The following PPP2R2C variants were observed in gnomAD, a reference collection of about 807,000 sequenced individuals.
The protein encoded by PPP2R2C is protein phosphatase 2, regulatory subunit B, gamma.
Under a neutral mutation model 45.3 loss-of-function variants are expected in PPP2R2C, and 10 were observed. The observed-to-expected ratio is 0.22, with a 90% CI of 0.14 to 0.37. The LOEUF (loss-of-function observed/expected upper bound fraction) is 0.37. Ranked by LOEUF, PPP2R2C falls within the 10% of genes least tolerant of loss-of-function variation. The pLI is 1.00. For missense variants in PPP2R2C, 308 were observed against 619.7 expected (o/e 0.50, Z 5.34); for synonymous variants, 257 against 245.4 (o/e 1.05, Z -0.44).
At chr4:6,554,426 C>A (rs1242609927) in intron 1 of PPP2R2C, among the ~76,000 whole-genome samples, 3 of 152,210 alleles carry the variant, frequency 2.0e-5, no homozygotes, top group Non-Finnish European at 4.4e-5. Flanking sequence ...TCGTCCCAGA[C>A]TGCTGGCTGC....
intron 1 of PPP2R2C, among the ~76,000 whole-genome samples, chr4:6,438,238 G>A (rs1344167583): frequency 1.3e-5 from 2 of 152,222 alleles, no homozygotes; most frequent in Non-Finnish European, 2.9e-5. Context: ...GTACATAGGG[G>A]AATGATGTCA....
chr4:6,467,862 CT>C (rs1330953646), intron 1 of PPP2R2C, among the ~76,000 whole-genome samples: 2 of 152,214 alleles, frequency 1.3e-5, no homozygotes, highest in Non-Finnish European at 2.9e-5. Context: ...ACTTGCTCCC[CT>C]CATGGTGTCA....
At chr4:6,461,516 G>C (rs965439502) in intron 1 of PPP2R2C, among the ~76,000 whole-genome samples, 1 of 152,158 alleles carries the variant, frequency 6.6e-6, no homozygotes, top group Non-Finnish European at 1.5e-5. Context: ...TTTAAGGAGG[G>C]AGTGCACCTT....
rs1312223549 is a variant in PPP2R2C, at chr4:6,518,925, A to T, written c.49+16346T>A. ...GCAACAGAGCAAGACTCTGTCTTAA[A>T]AAAAAAAAAAAAAAAAAAAAAAAAA... On this transcript the variant is annotated intron_variant, in intron 2 of 9. Transcript: ENST00000506140. Among the ~76,000 whole-genome samples, 4 of 23,134 alleles carry T rather than the reference A, an allele frequency of 1.7e-4. 1 individual carries two copies. The highest frequency in any genetic ancestry group is 2.6e-4 in the Non-Finnish European group (2 of 7,710). 15.2% of individuals were successfully genotyped at this position (23,134 alleles called of 152,430 possible).
intron 2 of PPP2R2C, chr4:6,535,214 G>A: frequency 6.6e-7 from 1 of 1,519,820 alleles, no homozygotes; most frequent in Non-Finnish European, 8.8e-7. Context: ...GTGACCCACA[G>A]CCCACGTCCC....
chr4:6,475,227 G>T (rs193202480), upstream of PPP2R2C, among the ~76,000 whole-genome samples: 125 of 150,274 alleles, frequency 8.3e-4, 1 homozygote, highest in Middle Eastern at 0.027. Context: ...AGATGAAGGC[G>T]GGGATGGAGA....
intron 6 of PPP2R2C, among the ~76,000 whole-genome samples, chr4:6,343,414 A>G (rs1711526989): frequency 6.6e-6 from 1 of 152,248 alleles, no homozygotes; most frequent in Non-Finnish European, 1.5e-5. Flanking sequence ...GCATAAATCA[A>G]TAATCAAAAA....
At chr4:6,325,977 T>G (rs982055341) in intron 8 of PPP2R2C, among the ~76,000 whole-genome samples, 2 of 152,132 alleles carry the variant, frequency 1.3e-5, no homozygotes, top group African/African-American at 4.8e-5. Flanking sequence ...GAGGCGGAGG[T>G]TGCAGCGAGC....
chr4:6,340,991 C>A (rs767893354), intron 6 of PPP2R2C, among the ~76,000 whole-genome samples: 1 of 152,252 alleles, frequency 6.6e-6, no homozygotes, highest in Non-Finnish European at 1.5e-5. Flanking sequence ...GGTCTTTCTG[C>A]AGCAGATCCA....
At chr4:6,354,807 GTTCCTCCGCCCACAGCCCCCCA>G (rs1474999130) in intron 5 of PPP2R2C, among the ~76,000 whole-genome samples, 2 of 152,032 alleles carry the variant, frequency 1.3e-5, no homozygotes. Flanking sequence ...TCCAGCTTGG[GTTCCTCCGCCCACAGCCCCCCA>G]CAGCCAGGCC....
intron 2 of PPP2R2C, among the ~76,000 whole-genome samples, chr4:6,510,989 A>C (rs1300566986): frequency 7.6e-5 from 5 of 65,560 alleles, no homozygotes; most frequent in Non-Finnish European, 8.6e-5. Context: ...ACAAAAAAAA[A>C]CAAACAAACA....
chr4:6,423,534 C>G (rs1034566582), intron 1 of PPP2R2C, among the ~76,000 whole-genome samples: 1 of 152,252 alleles, frequency 6.6e-6, no homozygotes, highest in African/African-American at 2.4e-5. Flanking sequence ...AACCAAGAAA[C>G]ACACATGCAC....
At chr4:6,535,462 A>C in intron 1 of PPP2R2C, 2 of 944,266 alleles carry the variant, frequency 2.1e-6, no homozygotes, top group Non-Finnish European at 3.1e-6. Flanking sequence ...CAACGCGAGC[A>C]CCGCCACCCA....
At chr4:6,469,149 AACAAAACCTAAACTCTTCCT>A (rs1721733269) in intron 1 of PPP2R2C, among the ~76,000 whole-genome samples, 1 of 152,024 alleles carries the variant, frequency 6.6e-6, no homozygotes, top group African/African-American at 2.4e-5. Context: ...GTGAATGACT[AACAAAACCTAAACTCTTCCT>A]AAGATGTTTG....
chr4:6,372,641 G>A lies in PPP2R2C; in HGVS notation c.507C>T (p.Ala169=), dbSNP rs764683644. The A allele has an allele frequency of 4.3e-6, 7 of 1,614,096 alleles. No individual in the cohort carries two copies. The highest frequency in any genetic ancestry group is 3.3e-5 in the Admixed American group (2 of 60,012). Reference sequence around the variant, plus strand: ...AGTTGATGTGGTAGGTGTGGCCATTGGCAAAGATCCTCCGAGGGCTCACCT... The same window carrying A: ...AGTTGATGTGGTAGGTGTGGCCATTAGCAAAGATCCTCCGAGGGCTCACCT... The part of the protein sequence containing the change: ...MVEVSPRRIF[A]NGHTYHINSI... Residue 169 remains alanine (A), a synonymous_variant, in exon 5 of 9, where the codon GCC becomes GCT. Transcript: ENST00000382599.
intron 1 of PPP2R2C, among the ~76,000 whole-genome samples, chr4:6,446,689 C>G (rs1720436058): frequency 6.6e-6 from 1 of 152,066 alleles, no homozygotes; most frequent in Non-Finnish European, 1.5e-5. Context: ...CAGCCATCAG[C>G]TGACTGGAAA....
intron 4 of PPP2R2C, among the ~76,000 whole-genome samples, chr4:6,373,382 G>A (rs1715022617): frequency 6.6e-6 from 1 of 152,260 alleles, no homozygotes; most frequent in East Asian, 1.9e-4. Flanking sequence ...TGACTCATAC[G>A]AACTTTCATC....
At chr4:6,463,858 C>A (rs1209454467) in intron 1 of PPP2R2C, among the ~76,000 whole-genome samples, 1 of 152,242 alleles carries the variant, frequency 6.6e-6, no homozygotes, top group Non-Finnish European at 1.5e-5. Flanking sequence ...GCTGAACCCT[C>A]TCGATTGCCT....
chr4:6,474,113 C>G (rs369273188), upstream of PPP2R2C, among the ~76,000 whole-genome samples: 2 of 129,388 alleles, frequency 1.5e-5, no homozygotes, highest in African/African-American at 6.1e-5. Flanking sequence ...CTTTCTACCC[C>G]GTAGGAAAGT....
Sources: allele counts gnomAD v4.1 joint callset (sites outside exome capture counted in the v4.1 genomes callset), GRCh38; gene constraint gnomAD v4.1.1; transcripts MANE v1.5; gene names NCBI Gene and HGNC (gene_info 2026-07-23, HGNC 2026-07-21).